The following ROR1 variants were observed in gnomAD, a reference collection of about 807,000 sequenced individuals.
The protein encoded by ROR1 is inactive tyrosine-protein kinase transmembrane receptor ROR1.
A neutral mutation model predicts 78.8 loss-of-function variants in ROR1; 19 were observed. That is an observed-to-expected ratio of 0.24 (90% CI 0.17 to 0.35). ROR1 has a LOEUF of 0.35. Ranked by LOEUF, ROR1 falls within the 10% of genes least tolerant of loss-of-function variation. The pLI, the probability that ROR1 is intolerant of heterozygous loss-of-function variation, is 1.00. For missense variants in ROR1, 917 were observed against 1,177.8 expected, an observed-to-expected ratio of 0.78 and a Z score of 3.24; for synonymous variants, 386 against 433.6, an observed-to-expected ratio of 0.89 and a Z score of 1.36.
At chr1:63,845,897 T>G (rs1557524320) in intron 1 of ROR1, among the ~76,000 whole-genome samples, 1 of 152,136 alleles carries the variant, frequency 6.6e-6, no homozygotes, top group Non-Finnish European at 1.5e-5. Context: ...TAAAAGATCA[T>G]GAAGCTTAGA....
At chr1:64,048,403 G>A (rs1346459811) in intron 2 of ROR1, among the ~76,000 whole-genome samples, 2 of 152,168 alleles carry the variant, frequency 1.3e-5, no homozygotes, top group African/African-American at 4.8e-5. Flanking sequence ...ATACACTGAG[G>A]ATGCAGTGAT....
chr1:63,851,057 GCAACCTCCGTCTCCCGAGTT>G (rs1482781944), intron 1 of ROR1, among the ~76,000 whole-genome samples: 2 of 152,186 alleles, frequency 1.3e-5, no homozygotes, highest in Non-Finnish European at 2.9e-5. Flanking sequence ...TAGGCTCACT[GCAACCTCCGTCTCCCGAGTT>G]CAATCAATTG....
intron 2 of ROR1, among the ~76,000 whole-genome samples, chr1:64,027,685 C>T (rs1449942026): frequency 1.3e-5 from 2 of 151,462 alleles, no homozygotes; most frequent in African/African-American, 2.4e-5. Context: ...ATATTAATTT[C>T]GTTCTTTTTC....
intron 1 of ROR1, among the ~76,000 whole-genome samples, chr1:63,920,933 T>A (rs1289478154): frequency 1.3e-5 from 2 of 152,170 alleles, no homozygotes; most frequent in African/African-American, 4.8e-5. Flanking sequence ...GCATTTACTC[T>A]GTGGGAGACA....
chr1:64,133,430 C>T (rs987618966), intron 4 of ROR1, among the ~76,000 whole-genome samples: 3 of 152,194 alleles, frequency 2.0e-5, no homozygotes, highest in Non-Finnish European at 4.4e-5. Flanking sequence ...CACTGTTCCA[C>T]GATCCCTCTT....
intron 1 of ROR1, among the ~76,000 whole-genome samples, chr1:63,998,785 C>A (rs1028842288): frequency 2.0e-5 from 3 of 152,148 alleles, no homozygotes; most frequent in Admixed American, 6.6e-5. Flanking sequence ...TATGGTTTAG[C>A]TCTGTGTCCC....
chr1:64,010,500 A>C (rs1013549254), intron 2 of ROR1, among the ~76,000 whole-genome samples: 7 of 152,158 alleles, frequency 4.6e-5, no homozygotes, highest in African/African-American at 1.4e-4. Flanking sequence ...ATTTGTGTGC[A>C]AATACATTCA....
rs145117846 is a variant in ROR1 at position 63,865,746 on chromosome 1, C to T, written c.91+91238C>T. Among the ~76,000 whole-genome samples, 43 of 152,246 alleles carry T rather than the reference C, an allele frequency of 2.8e-4. No homozygotes were observed. In the East Asian group the frequency reaches 3.9e-3, roughly 14 times the overall value. Reference sequence around the variant, plus strand: ...GCTAGGTACAGTGCTTGGCACATAGCGGGCACTAAACAAATATTTTATTGG... The same window carrying T: ...GCTAGGTACAGTGCTTGGCACATAGTGGGCACTAAACAAATATTTTATTGG... On this transcript the variant is annotated intron_variant, in intron 1 of 8. Coordinates refer to ENST00000371079, the MANE Select transcript of ROR1 (RefSeq NM_005012.4).
chr1:63,843,082 C>T lies in ROR1; in HGVS notation c.91+68574C>T, dbSNP rs938837419. On this transcript the variant is annotated intron_variant, in intron 1 of 8. Transcript: ENST00000371079. ...CTGGAGTGAAGGGATTGCCCTCCCC[C>T]TGCTGGGATCCCCCCAGCCCCTCTG... 7.5e-6 allele frequency: 4 copies of T among 532,818 alleles called. No individual in the cohort carries two copies. In the East Asian group the frequency reaches 1.4e-4, roughly 19 times the overall value. The allele number at this position is 532,818 out of a possible 1,614,324, so 33.0% of individuals were successfully genotyped here. A position where few individuals can be genotyped will look rare whatever the true frequency, so the allele number is the denominator to read the frequency against.
chr1:63,963,914 A>C (rs1646053593), intron 1 of ROR1, among the ~76,000 whole-genome samples: 1 of 152,136 alleles, frequency 6.6e-6, no homozygotes, highest in South Asian at 2.1e-4. Context: ...AGATAGAAGA[A>C]ATCTGGCCTT....
At chr1:64,159,820 A>T (rs1649887847) in intron 8 of ROR1, among the ~76,000 whole-genome samples, 1 of 152,090 alleles carries the variant, frequency 6.6e-6, no homozygotes, top group African/African-American at 2.4e-5. Context: ...CCCCACTTTG[A>T]GCTAAATCAA....
At chr1:63,948,837 C>T (rs1645911361) in intron 1 of ROR1, among the ~76,000 whole-genome samples, 2 of 152,188 alleles carry the variant, frequency 1.3e-5, no homozygotes, top group South Asian at 2.1e-4. Flanking sequence ...CGAGGCCTTA[C>T]TGGACTCTGA....
chr1:64,010,845 C>T (rs937387322), intron 2 of ROR1, among the ~76,000 whole-genome samples: 9 of 152,068 alleles, frequency 5.9e-5, no homozygotes, highest in African/African-American at 1.9e-4. Flanking sequence ...TCTCCCCTGC[C>T]GCCCTGTGAA....
At chr1:63,862,976 C>T (rs985941047) in intron 1 of ROR1, among the ~76,000 whole-genome samples, 26 of 152,292 alleles carry the variant, frequency 1.7e-4, no homozygotes, top group African/African-American at 6.0e-4. Flanking sequence ...TGATTCCTTT[C>T]AGCTCTATCA....
intron 4 of ROR1, among the ~76,000 whole-genome samples, chr1:64,057,838 A>T (rs1173222189): frequency 1.3e-5 from 2 of 152,146 alleles, no homozygotes; most frequent in Non-Finnish European, 2.9e-5. Context: ...TTGCATTTCC[A>T]TATGAATTTT....
chr1:63,814,337 T>C (rs537984705), intron 1 of ROR1, among the ~76,000 whole-genome samples: 2 of 152,294 alleles, frequency 1.3e-5, no homozygotes, highest in South Asian at 2.1e-4. Context: ...AGGCACCTCT[T>C]TTAATGCAGC....
At chr1:63,839,532 G>A in intron 1 of ROR1, among the ~76,000 whole-genome samples, 1 of 151,600 alleles carries the variant, frequency 6.6e-6, no homozygotes, top group East Asian at 1.9e-4. Context: ...TTGGCTTATT[G>A]CAATTAAAAA....
intron 1 of ROR1, among the ~76,000 whole-genome samples, chr1:63,838,220 A>T (rs1039191809): frequency 1.3e-5 from 2 of 152,116 alleles, no homozygotes; most frequent in Non-Finnish European, 2.9e-5. Context: ...TATACTTTTT[A>T]TTATTATTAT....
intron 1 of ROR1, among the ~76,000 whole-genome samples, chr1:63,970,367 A>T (rs1236633000): frequency 1.3e-5 from 2 of 152,226 alleles, no homozygotes; most frequent in African/African-American, 2.4e-5. Flanking sequence ...TACTTAATAA[A>T]TATTGATTAA....
Sources: gnomAD v4.1 joint callset for allele counts (sites outside exome capture counted in the v4.1 genomes callset) on GRCh38, gnomAD v4.1.1 for gene constraint, MANE v1.5 for transcripts, NCBI Gene and HGNC (gene_info 2026-07-23, HGNC 2026-07-21) for gene names.